Variants in NUP155 observed in about 807,000 individuals in gnomAD.
NUP155 encodes the protein nucleoporin 155.
A neutral mutation model predicts 180.4 loss-of-function variants in NUP155; 71 were observed. The observed-to-expected ratio is 0.39, with a 90% CI of 0.33 to 0.48. The LOEUF is 0.48. Among genes scored for constraint, NUP155 ranks in the 20% least tolerant of loss-of-function variants. The pLI is 0.91. For synonymous variants in NUP155, 582 were observed against 559.5 expected (o/e 1.04, Z -0.57); for missense variants, 1,553 against 1,648.9 (o/e 0.94, Z 1.01).
At chr5:37,358,374 G>A (rs961569665) in intron 3 of NUP155, among the ~76,000 whole-genome samples, 7 of 152,026 alleles carry the variant, frequency 4.6e-5, no homozygotes, top group African/African-American at 7.2e-5. Context: ...TGGCAGGATC[G>A]CAAAGGCCTG....
Position 37,292,952 on chromosome 5 carries a change from G to A in NUP155, c.3964C>T (p.His1322Tyr), listed in dbSNP as rs530239538. The part of the protein sequence containing the change: ...PFWNRMKKPL[H>Y]LLDCIHVLLI... ...AATACATGTATACAATCCAAAAGGT[G>A]CAGTGGCTTCTTCATTCTGTTCCAG... Residue 1322 changes from histidine (H) to tyrosine (Y), a missense_variant, in exon 34 of 35, where the codon CAC becomes TAC. Coordinates refer to ENST00000231498, the MANE Select transcript of NUP155 (RefSeq NM_153485.3). 1 of 1,612,284 alleles carries A rather than the reference G, an allele frequency of 6.2e-7. No individual in the cohort carries two copies. The highest frequency in any genetic ancestry group is 1.1e-5 in the South Asian group (1 of 91,022).
intron 20 of NUP155, among the ~76,000 whole-genome samples, chr5:37,319,494 AG>A (rs1478450730): frequency 3.9e-5 from 6 of 152,264 alleles, no homozygotes; most frequent in African/African-American, 7.2e-5. Flanking sequence ...TGTAAAATGC[AG>A]TAAATACATT....
chr5:37,308,847 T>C (rs1007816047), intron 24 of NUP155, among the ~76,000 whole-genome samples: 1 of 130,946 alleles, frequency 7.6e-6, no homozygotes, highest in Non-Finnish European at 1.5e-5. Flanking sequence ...GCCACTGCAC[T>C]CCAGCCTGGC....
At chr5:37,294,591 C>CG (rs1398484663) in intron 32 of NUP155, 126 bp from the exon 33 acceptor site, 1 of 937,606 alleles carries the variant, frequency 1.1e-6, no homozygotes, top group Non-Finnish European at 1.6e-6. Flanking sequence ...TTTTTTGGGG[C>CG]GGGGGGTTTT....
chr5:37,293,153 A>G, intron 33 of NUP155, 168 bp from the exon 34 acceptor site: 1 of 585,060 alleles, frequency 1.7e-6, no homozygotes, highest in Non-Finnish European at 3.1e-6. Context: ...TTAATATTTC[A>G]AACAACATTA....
rs183966030 is a variant in NUP155, at chr5:37,305,118, G to C, written c.2996C>G (p.Pro999Arg). The change falls in exon 26 of 35, where the codon CCT (proline) becomes CGT (arginine). Residue 999 changes from proline to arginine, a missense_variant. Physicochemically the swap from Pro to Arg is moderately radical, Grantham distance 103 (BLOSUM62 -2). Coordinates refer to ENST00000231498, the MANE Select transcript of NUP155 (RefSeq NM_153485.3). ...APQSPSVPKK[P>R]GPPVLSSDPN... ...ATCAGATGACAACACTGGAGGACCA[G>C]GTTTTTTGGGTACACTGGGAGACTG... is the stretch of plus-strand genomic sequence containing the variant. 16 of 1,614,022 alleles carry C rather than the reference G, an allele frequency of 9.9e-6. No individual in the cohort carries two copies. The highest frequency in any genetic ancestry group is 1.3e-5 in the African/African-American group (1 of 75,050).
chr5:37,330,028 T>C lies in NUP155; in HGVS notation c.1724+10A>G, dbSNP rs111945721. ...AAACAAATAAATAAACAAGAAAAAC[T>C]TTCACATACCTAAAGAAAGCCCGAG... is the stretch of plus-strand genomic sequence containing the variant. On this transcript the variant is annotated intron_variant, in intron 15 of 34. Coordinates refer to ENST00000231498, the MANE Select transcript of NUP155 (RefSeq NM_153485.3). 8 of 1,595,994 alleles carry C rather than the reference T, an allele frequency of 5.0e-6. No homozygotes were observed. In the African/African-American group the frequency reaches 5.4e-5, roughly 11 times the overall value.
intron 4 of NUP155, among the ~76,000 whole-genome samples, chr5:37,356,785 T>C (rs1202678007): frequency 6.6e-6 from 1 of 152,184 alleles, no homozygotes; most frequent in Non-Finnish European, 1.5e-5. Flanking sequence ...TAAGATTTAC[T>C]CTAAACTCTG....
chr5:37,368,682 C>T (rs950762063), intron 1 of NUP155, among the ~76,000 whole-genome samples: 6 of 151,976 alleles, frequency 3.9e-5, no homozygotes, highest in African/African-American at 1.2e-4. Context: ...GAGCCAGTGG[C>T]GAACACCTAT....
In NUP155 at chr5:37,358,745, A is replaced by G. The variant is rs931196904; in HGVS notation, c.393-594T>C. Among the ~76,000 whole-genome samples the G allele has an allele frequency of 7.2e-5, 11 of 152,256 alleles. 1 individual carries two copies. The highest frequency in any genetic ancestry group is 4.6e-4 in the Admixed American group (7 of 15,282). On this transcript the variant is annotated intron_variant, in intron 3 of 34. Transcript: ENST00000231498. ...AATATAATGAAAAGACTGGGTGGGC[A>G]CAGTGGCTCACACCTGTAAACCCAG... is the stretch of plus-strand genomic sequence containing the variant.
chr5:37,295,300 C>A (rs1171279707), intron 32 of NUP155, among the ~76,000 whole-genome samples: 1 of 152,224 alleles, frequency 6.6e-6, no homozygotes, highest in East Asian at 1.9e-4. Flanking sequence ...CCGCCAGCCT[C>A]GGCCTCCAGA....
Position 37,352,962 on chromosome 5 carries a change from G to A in NUP155, c.464-133C>T, listed in dbSNP as rs187302407. On this transcript the variant is annotated intron_variant, in intron 4 of 34. Transcript: ENST00000231498. ...GTCTGGATGCAGTTTAGTCAATTCT[G>A]TTGTTAAAAATATTATTATGTATGA... is the stretch of plus-strand genomic sequence containing the variant. The A allele has an allele frequency of 5.8e-4, 362 of 624,312 alleles. 2 individuals are homozygous for A. The African/African-American group carries it at 6.0e-3, about 10-fold the overall frequency. The allele number at this position is 624,312 out of a possible 1,614,324, so 38.7% of individuals were successfully genotyped here. A position where few individuals can be genotyped will look rare whatever the true frequency, so the allele number is the denominator to read the frequency against.
intron 4 of NUP155, among the ~76,000 whole-genome samples, chr5:37,357,809 A>T (rs980960575): frequency 6.6e-6 from 1 of 152,108 alleles, no homozygotes; most frequent in African/African-American, 2.4e-5. Flanking sequence ...CCTGGCCAAC[A>T]TGGCGGAGCC....
chr5:37,302,142 C>A (rs1742896425), intron 29 of NUP155, among the ~76,000 whole-genome samples: 1 of 152,220 alleles, frequency 6.6e-6, no homozygotes, highest in Non-Finnish European at 1.5e-5. Flanking sequence ...GCCTACTCTA[C>A]TTCATACATC....
intron 9 of NUP155, among the ~76,000 whole-genome samples, chr5:37,343,886 A>G (rs1745906033): frequency 2.6e-5 from 4 of 152,038 alleles, no homozygotes; most frequent in African/African-American, 9.7e-5. Flanking sequence ...CTGAGACTCT[A>G]TCTCAAGGGG....
chr5:37,345,916 A>G (rs1222246661), intron 9 of NUP155, among the ~76,000 whole-genome samples: 1 of 152,010 alleles, frequency 6.6e-6, no homozygotes, highest in African/African-American at 2.4e-5. Context: ...CTCAAAAAAA[A>G]AAAAAAAAAA....
At chr5:37,306,720 C>A (rs1213549934) in intron 25 of NUP155, among the ~76,000 whole-genome samples, 1 of 152,122 alleles carries the variant, frequency 6.6e-6, no homozygotes, top group Non-Finnish European at 1.5e-5. Flanking sequence ...CCACCTCAGC[C>A]TCCCAAAGTG....
chr5:37,338,410 C>CTT (rs1260084138), intron 11 of NUP155, among the ~76,000 whole-genome samples: 13 of 138,648 alleles, frequency 9.4e-5, no homozygotes, highest in South Asian at 2.3e-4. Context: ...CAACATCAAT[C>CTT]TTTTTTTTTT....
At chr5:37,340,093 A>T (rs1745612084) in intron 11 of NUP155, among the ~76,000 whole-genome samples, 1 of 152,178 alleles carries the variant, frequency 6.6e-6, no homozygotes, top group South Asian at 2.1e-4. Context: ...TAACAAGGTG[A>T]TTCTAAAATT....
Sources: gnomAD v4.1 joint callset for allele counts (sites outside exome capture counted in the v4.1 genomes callset) on GRCh38, gnomAD v4.1.1 for gene constraint, MANE v1.5 for transcripts, NCBI Gene and HGNC (gene_info 2026-07-23, HGNC 2026-07-21) for gene names.